Variants in GPAM observed in about 807,000 individuals in gnomAD.
The protein encoded by GPAM is glycerol-3-phosphate acyltransferase, mitochondrial, also known as glycerol-3-phosphate acyltransferase 1, mitochondrial.
GPAM carries 56 observed loss-of-function variants against 105.0 expected under a neutral mutation model. That is an observed-to-expected ratio of 0.53 (90% confidence interval 0.43 to 0.67). The LOEUF (loss-of-function observed/expected upper bound fraction) is 0.67, where lower values mean the gene tolerates loss of function less well. Among genes scored for constraint, GPAM ranks in the 30% least tolerant of loss-of-function variants. The pLI is 0.00. For synonymous variants in GPAM, 368 were observed against 354.4 expected (o/e 1.04, Z -0.43); for missense variants, 855 against 989.8 (o/e 0.86, Z 1.83).
intron 5 of GPAM, among the ~76,000 whole-genome samples, chr10:112,177,418 G>C (rs539311364): frequency 1.3e-5 from 2 of 152,150 alleles, no homozygotes; most frequent in South Asian, 2.1e-4. Context: ...ACAACCTTTC[G>C]ACCCTCCTTC....
At chr10:112,161,923 T>G (rs1847131711) in intron 14 of GPAM, among the ~76,000 whole-genome samples, 186 bp from the exon 15 acceptor site, 1 of 152,224 alleles carries the variant, frequency 6.6e-6, no homozygotes. Context: ...TGGAACCTCA[T>G]TAGAGATCAC....
At chr10:112,154,272 C>A in intron 21 of GPAM, 1 of 310,542 alleles carries the variant, frequency 3.2e-6, no homozygotes, top group African/African-American at 2.1e-5. Context: ...TGCACATATT[C>A]CAAAATCCCA....
At chr10:112,219,267 G>A (rs1430986808), upstream of GPAM, among the ~76,000 whole-genome samples, 5 of 152,350 alleles carry the variant, frequency 3.3e-5, no homozygotes, top group East Asian at 5.8e-4. Context: ...CTCCATGGGG[G>A]TAGAGAGGAG....
intron 12 of GPAM, among the ~76,000 whole-genome samples, chr10:112,166,177 A>T (rs1297484948): frequency 1.3e-5 from 2 of 152,166 alleles, no homozygotes; most frequent in Non-Finnish European, 2.9e-5. Context: ...AATAGCAATA[A>T]ATGTCGAGCC....
At chr10:112,190,956 T>C (rs187061608) in intron 1 of GPAM, among the ~76,000 whole-genome samples, 1 of 152,308 alleles carries the variant, frequency 6.6e-6, no homozygotes, top group East Asian at 1.9e-4. Flanking sequence ...TCTTCTTACA[T>C]ACACACTTGC....
rs1426184320 is a variant in GPAM at position 112,159,924 on chromosome 10, C to T, written c.1889G>A (p.Gly630Asp). ...ASLCYLLSNE[G>D]TISLPCQTFY... ...GTCTTCACTCACCAGTGAGATGGTG[C>T]CTTCATTGGAGAGAAGGTAGCACAG... The change falls in exon 17 of 22, where the codon GGC becomes GAC. Residue 630 changes from glycine to aspartate, a missense_variant. Gly to Asp is a moderately conservative substitution (Grantham distance 94). Transcript: ENST00000348367. The T allele has an allele frequency of 6.2e-7, 1 of 1,613,812 alleles. No homozygotes were observed. Among genetic ancestry groups the T allele is most frequent in the Non-Finnish European group, 8.5e-7 (1 of 1,179,804 alleles).
At chr10:112,178,631 GA>G (rs1847450560) in intron 4 of GPAM, among the ~76,000 whole-genome samples, 1 of 152,138 alleles carries the variant, frequency 6.6e-6, no homozygotes, top group Admixed American at 6.5e-5. Flanking sequence ...CTTGCTGCTT[GA>G]CTCCTCATCT....
At position 112,151,013 on chromosome 10, in the gene GPAM, T is replaced by C; in HGVS notation, c.*2537A>G. On this transcript the variant is annotated 3_prime_UTR_variant, in exon 22 of 22. Transcript: ENST00000348367. The stretch of plus-strand genomic sequence containing the variant: ...TCCCACTAGTTTTTGCCTTTGTTTT[T>C]CATGCATTTTCAGAGTGCACAACTT... The C allele has an allele frequency of 1.0e-6, 1 of 985,818 alleles. No homozygotes were observed. Among genetic ancestry groups the C allele is most frequent in the Middle Eastern group, 5.2e-4 (1 of 1,914 alleles). 61.1% of individuals were successfully genotyped at this position (985,818 alleles called of 1,614,324 possible). A position where few individuals can be genotyped will look rare whatever the true frequency, so the allele number is the denominator to read the frequency against.
At chr10:112,165,707 C>T (rs1189973485) in intron 12 of GPAM, among the ~76,000 whole-genome samples, 2 of 152,046 alleles carry the variant, frequency 1.3e-5, no homozygotes, top group East Asian at 3.9e-4. Context: ...AAAAAGTTAC[C>T]CAGCTTTTAG....
chr10:112,216,382 A>T (rs1847968254), upstream of GPAM, among the ~76,000 whole-genome samples: 1 of 152,180 alleles, frequency 6.6e-6, no homozygotes, highest in Non-Finnish European at 1.5e-5. Flanking sequence ...TTTGTGAAAG[A>T]AGTCCTTAGT....
At chr10:112,156,694 C>G (rs955408898) in intron 19 of GPAM, 1 of 165,006 alleles carries the variant, frequency 6.1e-6, no homozygotes, top group African/African-American at 2.4e-5. Flanking sequence ...AAGACAATTT[C>G]TAAATGTCAA....
intron 11 of GPAM, among the ~76,000 whole-genome samples, chr10:112,166,996 G>C (rs1847229178): frequency 6.6e-6 from 1 of 152,088 alleles, no homozygotes; most frequent in South Asian, 2.1e-4. Flanking sequence ...TAAATACCTA[G>C]TATCTATTAC....
chr10:112,221,452 A>G, the GPAM span, among the ~76,000 whole-genome samples: 1 of 152,180 alleles, frequency 6.6e-6, no homozygotes, highest in Non-Finnish European at 1.5e-5. Context: ...ACAGATTCCT[A>G]GGCACCACCC....
chr10:112,159,826 A>G (rs940362686), intron 17 of GPAM, 85 bp downstream of exon 17: 11 of 1,312,414 alleles, frequency 8.4e-6, no homozygotes, highest in Admixed American at 1.7e-5. Flanking sequence ...GTCAAACATT[A>G]TCTAACAGAA....
upstream of GPAM, among the ~76,000 whole-genome samples, chr10:112,216,463 C>A (rs952712496): frequency 1.3e-5 from 2 of 152,096 alleles, no homozygotes; most frequent in African/African-American, 4.8e-5. Context: ...CCAAAGGAAC[C>A]ACAACAAAAC....
intron 1 of GPAM, among the ~76,000 whole-genome samples, chr10:112,192,002 C>T (rs1178919443): frequency 6.6e-6 from 1 of 152,152 alleles, no homozygotes; most frequent in Non-Finnish European, 1.5e-5. Flanking sequence ...ACTTTGAGTA[C>T]CACGCAGAGC....
intron 1 of GPAM, among the ~76,000 whole-genome samples, chr10:112,195,607 T>C (rs1847714122): frequency 1.3e-5 from 2 of 152,220 alleles, no homozygotes; most frequent in Admixed American, 6.5e-5. Flanking sequence ...ATGACCATAA[T>C]TATAACTAAA....
At chr10:112,217,948 C>A (rs1847987262), upstream of GPAM, among the ~76,000 whole-genome samples, 1 of 152,222 alleles carries the variant, frequency 6.6e-6, no homozygotes, top group African/African-American at 2.4e-5. Context: ...AAAAGGACTT[C>A]ATTGTTTATG....
At chr10:112,203,441 G>A (rs1847822407) in intron 1 of GPAM, among the ~76,000 whole-genome samples, 1 of 152,200 alleles carries the variant, frequency 6.6e-6, no homozygotes, top group Non-Finnish European at 1.5e-5. Context: ...ACTCTGGAGA[G>A]GGGCAATCTG....
Sources: allele counts gnomAD v4.1 joint callset (sites outside exome capture counted in the v4.1 genomes callset), GRCh38; gene constraint gnomAD v4.1.1; transcripts MANE v1.5; gene names NCBI Gene and HGNC (gene_info 2026-07-23, HGNC 2026-07-21).